UTP20: variants seen among roughly 807,000 people sequenced by gnomAD.
UTP20 encodes small subunit processome component 20 homolog.
A neutral mutation model predicts 329.5 loss-of-function variants in UTP20; 164 were observed. The observed-to-expected ratio is 0.50, with a 90% CI of 0.44 to 0.57. The LOEUF is 0.57. Ranked by LOEUF, UTP20 falls within the 20% of genes least tolerant of loss-of-function variation. The probability of loss-of-function intolerance (pLI) is 0.00; values close to 1 mark genes in which losing one functional copy is unlikely to be tolerated. For synonymous variants in UTP20, 1,151 were observed against 1,159.3 expected (o/e 0.99, Z 0.14); for missense variants, 3,055 against 3,284.2 (o/e 0.93, Z 1.71).
chr12:101,340,937 C>CTTTTTTTTTT (rs71091488), intron 32 of UTP20, among the ~76,000 whole-genome samples: 17 of 83,024 alleles, frequency 2.0e-4, no homozygotes, highest in South Asian at 4.5e-4. Flanking sequence ...ATTGTGTAAT[C>CTTTTTTTTTT]TTTTTTTTTT....
intron 19 of UTP20, 137 bp from the exon 20 acceptor site, chr12:101,311,582 G>C (rs999368145): frequency 1.5e-6 from 1 of 689,502 alleles, no homozygotes; most frequent in African/African-American, 1.8e-5. Context: ...AAGTGCAAAA[G>C]GTGTTTACGA....
At chr12:101,317,781 T>C in intron 22 of UTP20, 118 bp downstream of exon 22, 1 of 1,134,246 alleles carries the variant, frequency 8.8e-7, no homozygotes, top group Non-Finnish European at 1.2e-6. Flanking sequence ...AAGCGCTACA[T>C]CTTCCTGGGA....
intron 44 of UTP20, 128 bp downstream of exon 44, chr12:101,362,188 A>G (rs1248379271): frequency 3.1e-6 from 2 of 648,800 alleles, no homozygotes; most frequent in Non-Finnish European, 5.3e-6. Context: ...CATCTTTTAG[A>G]TTAGCAGAGG....
Position 101,386,107 on chromosome 12 carries a change from T to G in UTP20, c.8342T>G (p.Leu2781Ter). The G allele has an allele frequency of 6.2e-7, 1 of 1,605,850 alleles. No homozygotes were observed. Among genetic ancestry groups the G allele is most frequent in the Non-Finnish European group, 8.5e-7 (1 of 1,178,552 alleles). The change falls in exon 62 of 62, where the codon TTA (leucine) becomes TGA (stop). Residue 2781 changes from leucine (L) to a stop codon, truncating the protein, a stop_gained. Transcript: ENST00000261637. LOFTEE classifies it high-confidence loss of function. ...KRQKSHSLKDLAMVE is the reference protein window; with the variant it reads ...KRQKSHSLKD ...CAAAAAAGCCATAGCCTGAAAGATT[T>G]AGCAATGGTGGAGTAATGTCTCCCT...
At chr12:101,307,865 A>G (rs954787538) in intron 17 of UTP20, among the ~76,000 whole-genome samples, 2 of 152,208 alleles carry the variant, frequency 1.3e-5, no homozygotes, top group Non-Finnish European at 2.9e-5. Flanking sequence ...GCAGATTACT[A>G]GGAATAGATT....
intron 27 of UTP20, among the ~76,000 whole-genome samples, chr12:101,331,290 G>A (rs963699691): frequency 6.6e-6 from 1 of 152,176 alleles, no homozygotes; most frequent in Non-Finnish European, 1.5e-5. Flanking sequence ...AATGGGAGAT[G>A]GATGGGGAGT....
intron 46 of UTP20, among the ~76,000 whole-genome samples, chr12:101,366,088 C>G (rs968101010): frequency 6.6e-6 from 1 of 152,100 alleles, no homozygotes; most frequent in Admixed American, 6.6e-5. Context: ...AAAAATTAGC[C>G]AGGCATGGTG....
chr12:101,280,304 C>T lies in UTP20; in HGVS notation c.22C>T (p.His8Tyr). MKTKPVSHKTENTYRFLT... is the reference protein window; with the variant it reads MKTKPVSYKTENTYRFLT... The stretch of plus-strand genomic sequence containing the variant: ...AGCCATGAAGACAAAGCCCGTTTCC[C>T]ACAAGACCGAGAACACCTACCGGGT... Residue 8 changes from histidine (H) to tyrosine (Y), a missense_variant, in exon 1 of 62, where the codon CAC becomes TAC. Physicochemically the swap from His to Tyr is moderately conservative, Grantham distance 83. Around this residue, in one of 3 missense-constraint regions of UTP20, gnomAD observed 2,445 missense variants for 2,575.5 expected, o/e 0.95. Transcript: ENST00000261637. 1 of 1,551,760 alleles carries T rather than the reference C, an allele frequency of 6.4e-7. No individual in the cohort carries two copies. The highest frequency in any genetic ancestry group is 8.7e-7 in the Non-Finnish European group (1 of 1,146,996).
chr12:101,358,057 C>T (rs547889932), intron 43 of UTP20, among the ~76,000 whole-genome samples: 16 of 152,222 alleles, frequency 1.1e-4, no homozygotes, highest in African/African-American at 2.9e-4. Context: ...GTACAGTCGA[C>T]GTGATTAAGA....
chr12:101,307,989 A>T (rs919452552), intron 17 of UTP20, among the ~76,000 whole-genome samples, 196 bp from the exon 18 acceptor site: 2 of 152,224 alleles, frequency 1.3e-5, no homozygotes, highest in Non-Finnish European at 2.9e-5. Flanking sequence ...TGCACTAGAC[A>T]CTAAATTATC....
At chr12:101,365,304 T>C (rs1029495933) in intron 45 of UTP20, among the ~76,000 whole-genome samples, 155 bp from the exon 46 acceptor site, 1 of 152,146 alleles carries the variant, frequency 6.6e-6, no homozygotes, top group Admixed American at 6.5e-5. Flanking sequence ...CCTTATATGT[T>C]ATATCTGTGT....
rs774357952 is a variant in UTP20 at position 101,290,233 on chromosome 12, T to C, written c.694T>C (p.Cys232Arg). The change falls in exon 7 of 62, where the codon TGC (cysteine) becomes CGC (arginine). Residue 232 changes from cysteine to arginine, a missense_variant. Transcript: ENST00000261637. ...EGVGQLLFEM[C>R]KGVRNMFHSC... ...TGTTGGACAGTTGCTCTTTGAAATG[T>C]GCAAAGGAGTTAGAAATATGTTTCA... is the stretch of plus-strand genomic sequence containing the variant. 6.2e-7 allele frequency: 1 copy of C among 1,609,656 alleles called. No individual in the cohort carries two copies. The highest frequency in any genetic ancestry group is 8.5e-7 in the Non-Finnish European group (1 of 1,177,896).
rs151242689 is a variant in UTP20 at position 101,292,096 on chromosome 12, A to G, written c.1165A>G (p.Ile389Val). 2.9e-4 allele frequency: 472 copies of G among 1,611,918 alleles called. 1 individual carries two copies. Among genetic ancestry groups the G allele is most frequent in the Non-Finnish European group, 6.5e-5 (77 of 1,179,440 alleles). ...SLPETLIKET[I>V]EKIFESRFEK... ...GCCGGAGACCCTCATCAAAGAAACC[A>G]TAGAAAAAGTAATTTACTTCAACAA... The change falls in exon 10 of 62, where the codon ATA (isoleucine) becomes GTA (valine). Residue 389 changes from isoleucine to valine, a missense_variant. By Grantham distance (29) the Ile-to-Val change is conservative (BLOSUM62 3). Transcript: ENST00000261637.
intron 39 of UTP20, 29 bp from the exon 40 acceptor site, chr12:101,353,018 A>T: frequency 1.4e-6 from 2 of 1,397,296 alleles, no homozygotes; most frequent in South Asian, 3.1e-5. Context: ...AATCAAATGA[A>T]CATTTCTGTA....
chr12:101,370,052 TAA>T (rs368067856), intron 49 of UTP20, among the ~76,000 whole-genome samples, 161 bp downstream of exon 49: 6 of 122,104 alleles, frequency 4.9e-5, no homozygotes, highest in Admixed American at 1.7e-4. Context: ...CGTGTCTACA[TAA>T]AAAAAAAAAA....
intron 7 of UTP20, 138 bp downstream of exon 7, chr12:101,290,412 A>C (rs1479123151): frequency 4.7e-6 from 5 of 1,059,832 alleles, no homozygotes; most frequent in Non-Finnish European, 6.5e-6. Context: ...GTTCAGTAAC[A>C]ATGCTTACCC....
At chr12:101,322,077 C>G (rs1481381508) in intron 25 of UTP20, among the ~76,000 whole-genome samples, 3 of 152,120 alleles carry the variant, frequency 2.0e-5, no homozygotes, top group Admixed American at 2.0e-4. Flanking sequence ...CAACCTCCGC[C>G]CTCCCAGGTT....
rs1870249420 is a variant in UTP20 at position 101,370,495 on chromosome 12, C to G, written c.6619C>G (p.Leu2207Val). Reference protein sequence around the residue: ...YQITEKQLQVLLAYAEEDIYD... With the variant: ...YQITEKQLQVVLAYAEEDIYD... Reference sequence around the variant, plus strand: ...GATAACTGAAAAACAGCTCCAAGTTCTACTGGCCTATGCTGAGGAGGACAT... The same window carrying G: ...GATAACTGAAAAACAGCTCCAAGTTGTACTGGCCTATGCTGAGGAGGACAT... The change falls in exon 50 of 62, where the codon CTA (leucine) becomes GTA (valine). Residue 2207 changes from leucine to valine, a missense_variant. This residue lies in a region of UTP20 where 273 missense variants were observed against 363.1 expected (regional missense o/e 0.75). Coordinates refer to ENST00000261637, the MANE Select transcript of UTP20 (RefSeq NM_014503.3). 1 of 1,613,996 alleles carries G rather than the reference C, an allele frequency of 6.2e-7. No homozygotes were observed. The highest frequency in any genetic ancestry group is 2.2e-5 in the East Asian group (1 of 44,874).
At chr12:101,280,416 C>T in intron 1 of UTP20, 89 bp downstream of exon 1, 1 of 1,483,064 alleles carries the variant, frequency 6.7e-7, no homozygotes, top group Non-Finnish European at 9.2e-7. Context: ...GGGCCTCAGA[C>T]TTCTGGGCCG....
Sources: allele counts gnomAD v4.1 joint callset (sites outside exome capture counted in the v4.1 genomes callset), GRCh38; gene constraint gnomAD v4.1.1; regional missense constraint gnomAD v4.1.1; transcripts MANE v1.5; gene names NCBI Gene and HGNC (gene_info 2026-07-23, HGNC 2026-07-21).